The following NFATC1 variants were observed in gnomAD, a reference collection of about 807,000 sequenced individuals.
The protein encoded by NFATC1 is nuclear factor of activated T cells 1, also known as nuclear factor of activated T-cells, cytoplasmic 1.
Under a neutral mutation model 76.0 loss-of-function variants are expected in NFATC1, and 22 were observed. That is an observed-to-expected ratio of 0.29 (90% confidence interval 0.21 to 0.41). The LOEUF is 0.41. Among genes scored for constraint, NFATC1 ranks in the 10% least tolerant of loss-of-function variants. NFATC1 has a pLI of 1.00. For synonymous variants in NFATC1, 704 were observed against 613.1 expected (o/e 1.15, Z -2.19); for missense variants, 1,357 against 1,337.7 (o/e 1.01, Z -0.23).
intron 8 of NFATC1, chr18:79,469,816 C>T: frequency 1.0e-6 from 1 of 985,390 alleles, no homozygotes; most frequent in Non-Finnish European, 1.2e-6. Context: ...CTGACCAGCC[C>T]CACCAGCCCC....
At chr18:79,423,364 C>A (rs1221052893) in intron 2 of NFATC1, among the ~76,000 whole-genome samples, 1 of 152,238 alleles carries the variant, frequency 6.6e-6, no homozygotes, top group African/African-American at 2.4e-5. Flanking sequence ...TGTGGCACTC[C>A]CTGTCTGGGG....
At chr18:79,504,827 T>C (rs1266021639) in intron 9 of NFATC1, among the ~76,000 whole-genome samples, 2 of 145,562 alleles carry the variant, frequency 1.4e-5, no homozygotes, top group Non-Finnish European at 3.0e-5. Context: ...AGGAGACTGC[T>C]GTGTGGGAGG....
intron 1 of NFATC1, chr18:79,400,365 C>A (rs1168793852): frequency 1.2e-5 from 17 of 1,402,078 alleles, no homozygotes; most frequent in Non-Finnish European, 1.5e-5. Flanking sequence ...GACCCCGGCT[C>A]CCGCCCCGGC....
intron 2 of NFATC1, 50 bp downstream of exon 2, chr18:79,411,551 CG>C: frequency 1.2e-6 from 1 of 817,178 alleles, no homozygotes; most frequent in East Asian, 3.6e-5. Flanking sequence ...AGGCGCGGGG[CG>C]GGGCGGAACG....
intron 2 of NFATC1, among the ~76,000 whole-genome samples, chr18:79,412,509 G>C (rs997147035): frequency 6.9e-6 from 1 of 143,910 alleles, no homozygotes; most frequent in African/African-American, 2.6e-5. Context: ...GCGAGACCCC[G>C]CAGAGCGGAG....
intron 1 of NFATC1, among the ~76,000 whole-genome samples, chr18:79,398,541 G>A (rs1424690734): frequency 6.6e-6 from 1 of 152,210 alleles, no homozygotes; most frequent in Non-Finnish European, 1.5e-5. Flanking sequence ...TGGGGCGGGG[G>A]AAGGGGGGGC....
chr18:79,451,945 C>A, intron 6 of NFATC1, 129 bp downstream of exon 6: 1 of 1,178,136 alleles, frequency 8.5e-7, no homozygotes, highest in Non-Finnish European at 1.1e-6. Context: ...TGGCACGGAG[C>A]AGAGGCTCTG....
chr18:79,471,938 C>T (rs1184583272), intron 8 of NFATC1, among the ~76,000 whole-genome samples: 1 of 152,218 alleles, frequency 6.6e-6, no homozygotes, highest in Admixed American at 6.5e-5. Context: ...CTTCTGCTGG[C>T]CCTGCAACGA....
intron 7 of NFATC1, among the ~76,000 whole-genome samples, chr18:79,466,153 G>T (rs557260898): frequency 1.3e-5 from 2 of 152,234 alleles, no homozygotes; most frequent in African/African-American, 4.8e-5. Flanking sequence ...TTCATTATTT[G>T]TAAATGAAAG....
chr18:79,397,810 C>CA (rs1568903831), intron 1 of NFATC1, among the ~76,000 whole-genome samples: 1 of 152,162 alleles, frequency 6.6e-6, no homozygotes, highest in African/African-American at 2.4e-5. Flanking sequence ...AAGGAAAAAA[C>CA]ACGACGGGGC....
At chr18:79,521,964 C>T (rs1346199811) in intron 9 of NFATC1, among the ~76,000 whole-genome samples, 1 of 78,642 alleles carries the variant, frequency 1.3e-5, no homozygotes, top group African/African-American at 5.6e-5. Context: ...AGGTTGTCTG[C>T]TGTGTGTGGG....
At chr18:79,402,905 C>T (rs1012448205) in intron 1 of NFATC1, among the ~76,000 whole-genome samples, 1 of 152,194 alleles carries the variant, frequency 6.6e-6, no homozygotes, top group Non-Finnish European at 1.5e-5. Context: ...CTGGGATGAA[C>T]CTGGATATAA....
chr18:79,483,805 AC>A (rs1388419472), intron 8 of NFATC1, among the ~76,000 whole-genome samples: 63 of 130,860 alleles, frequency 4.8e-4, no homozygotes, highest in African/African-American at 1.9e-3. Flanking sequence ...CTGAGGTGTC[AC>A]TCCAGCGTGA....
chr18:79,480,908 AG>A (rs1165406376), intron 8 of NFATC1, among the ~76,000 whole-genome samples: 1 of 152,250 alleles, frequency 6.6e-6, no homozygotes, highest in African/African-American at 2.4e-5. Flanking sequence ...GGATCCCAAC[AG>A]GGTATTAATT....
chr18:79,451,071 G>T lies in NFATC1; in HGVS notation c.1707G>T (p.Pro569=). Residue 569 remains proline (P), a synonymous_variant, in exon 5 of 10, where the codon CCG becomes CCT. Coordinates refer to ENST00000427363, the MANE Select transcript of NFATC1 (RefSeq NM_001278669.2). The part of the protein sequence containing the change: ...RVRLVFRVHV[P]QPSGRTLSLQ... ...GGCTGGTGTTCCGCGTTCACGTCCC[G>T]CAACCCAGCGGCCGCACGCTGTCCC... is the stretch of plus-strand genomic sequence containing the variant. 1 of 1,613,158 alleles carries T rather than the reference G, an allele frequency of 6.2e-7. No homozygotes were observed. The highest frequency in any genetic ancestry group is 8.5e-7 in the Non-Finnish European group (1 of 1,179,926).
intron 2 of NFATC1, among the ~76,000 whole-genome samples, chr18:79,412,841 G>C (rs2085744256): frequency 6.6e-6 from 1 of 152,172 alleles, no homozygotes; most frequent in African/African-American, 2.4e-5. Context: ...GATTACCCCT[G>C]ATTTTTCTTG....
At chr18:79,463,726 G>A (rs558285866) in intron 7 of NFATC1, among the ~76,000 whole-genome samples, 91 of 152,362 alleles carry the variant, frequency 6.0e-4, no homozygotes, top group African/African-American at 2.1e-3. Flanking sequence ...TCTGCCTGCA[G>A]GCAGTGTACC....
At chr18:79,522,777 G>A (rs1161310174) in intron 9 of NFATC1, among the ~76,000 whole-genome samples, 1 of 152,108 alleles carries the variant, frequency 6.6e-6, no homozygotes, top group African/African-American at 2.4e-5. Flanking sequence ...GGCAGGGTGG[G>A]AACCCTCCTG....
chr18:79,509,159 G>A (rs1317406922), intron 9 of NFATC1, among the ~76,000 whole-genome samples: 8 of 152,240 alleles, frequency 5.3e-5, no homozygotes, highest in Admixed American at 4.6e-4. Context: ...GGAGAGGGAC[G>A]TGCTGGCCCC....
Sources: gnomAD v4.1 joint callset for allele counts (sites outside exome capture counted in the v4.1 genomes callset) on GRCh38, gnomAD v4.1.1 for gene constraint, MANE v1.5 for transcripts, NCBI Gene and HGNC (gene_info 2026-07-23, HGNC 2026-07-21) for gene names.